The following ALDH16A1 variants were observed in gnomAD, a reference collection of about 807,000 sequenced individuals.
ALDH16A1 encodes the protein aldehyde dehydrogenase family 16 member A1.
ALDH16A1 carries 88 observed loss-of-function variants against 96.1 expected under a neutral mutation model. The ratio of observed to expected loss-of-function variants is 0.92; its 90% CI spans 0.77 to 1.09. The LOEUF is 1.09. ALDH16A1 is among the 50% of genes least tolerant of loss of function. The pLI, the probability that ALDH16A1 is intolerant of heterozygous loss-of-function variation, is 0.00. For synonymous variants in ALDH16A1, 522 were observed against 496.4 expected, an observed-to-expected ratio of 1.05 and a Z score of -0.69; for missense variants, 1,250 against 1,112.6, an observed-to-expected ratio of 1.12 and a Z score of -1.76.
chr19:49,464,896 G>C, intron 12 of ALDH16A1, 134 bp downstream of exon 12: 1 of 1,396,980 alleles, frequency 7.2e-7, no homozygotes, highest in Non-Finnish European at 9.8e-7. Context: ...ACCACGTTGT[G>C]GCCTCACACT....
chr19:49,461,817 GGTCGT>G lies in ALDH16A1; in HGVS notation c.759+19_759+23del. ...GCCCCGGAGGTACCTTCGGGACAGG[GGTCGT>G]GGCGGAACGCGGCTGGGGGCCGCAA... On this transcript the variant is annotated intron_variant, in intron 6 of 16. Transcript: ENST00000293350. 2 of 1,607,694 alleles carry G rather than the reference GGTCGT, an allele frequency of 1.2e-6. No individual in the cohort carries two copies. The highest frequency in any genetic ancestry group is 1.7e-6 in the Non-Finnish European group (2 of 1,177,360).
At chr19:49,465,694 G>T (rs991111811) in intron 12 of ALDH16A1, 44 bp from the exon 13 acceptor site, 1 of 1,580,034 alleles carries the variant, frequency 6.3e-7, no homozygotes, top group Non-Finnish European at 8.6e-7. Context: ...GGTCTGAGCA[G>T]ATTGAGGCCC....
rs768840117 is a variant in ALDH16A1, at chr19:49,460,877, G to A, written c.555G>A (p.Arg185=). 1 of 1,613,688 alleles carries A rather than the reference G, an allele frequency of 6.2e-7. No individual in the cohort carries two copies. The highest frequency in any genetic ancestry group is 8.5e-7 in the Non-Finnish European group (1 of 1,179,988). Residue 185 remains arginine (R), a synonymous_variant, in exon 5 of 17, where the codon AGG becomes AGA. Transcript: ENST00000293350. ...PTFSFLEMMW[R]ICPALAVGCT... ...TCTCCTTCCTTGAGATGATGTGGAGGATTTGCCCTGCCCTGGCTGTGGGTA... is the reference window on the plus strand; with the variant it reads ...TCTCCTTCCTTGAGATGATGTGGAGAATTTGCCCTGCCCTGGCTGTGGGTA...
At position 49,462,573 on chromosome 19, in the gene ALDH16A1, G is replaced by A; in HGVS notation, c.916G>A (p.Gly306Ser). ...CTGATGCCCCTTTTCCTCACAGGGT[G>A]GCCTCAGGCTCCTCATCCAGGAGTC... The part of the protein sequence containing the change: ...DAAWSDRGPG[G>S]LRLLIQESVW... The change falls in exon 8 of 17, where the codon GGC becomes AGC. Residue 306 changes from glycine (G) to serine (S), a missense_variant. Gly to Ser is a moderately conservative substitution (Grantham distance 56). Transcript: ENST00000293350. 1 of 1,612,628 alleles carries A rather than the reference G, an allele frequency of 6.2e-7. No individual in the cohort carries two copies. The highest frequency in any genetic ancestry group is 8.5e-7 in the Non-Finnish European group (1 of 1,179,776).
chr19:49,464,343 C>A (rs1041815131), intron 10 of ALDH16A1, 74 bp from the exon 11 acceptor site: 3 of 1,569,670 alleles, frequency 1.9e-6, no homozygotes, highest in Non-Finnish European at 2.6e-6. Context: ...TCGCTCCCCG[C>A]GCCTTTAACT....
intron 16 of ALDH16A1, chr19:49,469,565 T>TA (rs980043445): frequency 3.3e-5 from 5 of 149,288 alleles, no homozygotes; most frequent in East Asian, 2.0e-4. Flanking sequence ...ACTGTTTTTT[T>TA]TTTTATTTTA....
In ALDH16A1 at chr19:49,459,582, G is replaced by T. The variant is rs2079125539; in HGVS notation, c.321-88G>T. 1 of 1,442,596 alleles carries T rather than the reference G, an allele frequency of 6.9e-7. No homozygotes were observed. The highest frequency in any genetic ancestry group is 9.2e-7 in the Non-Finnish European group (1 of 1,081,898). The allele number at this position is 1,442,596 out of a possible 1,614,324, so 89.4% of individuals were successfully genotyped here. Reference sequence around the variant, plus strand: ...TGGGGATGCCTCAGGGGCTCATGGGGATTGTAGTCCAGGTATATAGGAGCA... The same window carrying T: ...TGGGGATGCCTCAGGGGCTCATGGGTATTGTAGTCCAGGTATATAGGAGCA... On this transcript the variant is annotated intron_variant, in intron 3 of 16. Coordinates refer to ENST00000293350, the MANE Select transcript of ALDH16A1 (RefSeq NM_153329.4). The surrounding 1 kb of genome is among the most constrained non-coding windows in gnomAD (Gnocchi z 4.1).
Position 49,461,960 on chromosome 19 carries a change from T to A in ALDH16A1, c.836T>A (p.Leu279Gln). 2 of 1,566,342 alleles carry A rather than the reference T, an allele frequency of 1.3e-6. No homozygotes were observed. The highest frequency in any genetic ancestry group is 1.7e-6 in the Non-Finnish European group (2 of 1,158,390). The stretch of plus-strand genomic sequence containing the variant: ...CTGGCGCTGGGGACGGAGTCGCTGC[T>A]GCTGCTGACGGACACGGCGGACGTA... The part of the protein sequence containing the change: ...LGLALGTESL[L>Q]LLTDTADVDS... Residue 279 changes from leucine (L) to glutamine (Q), a missense_variant, in exon 7 of 17, where the codon CTG becomes CAG. Transcript: ENST00000293350.
chr19:49,455,342 G>A (rs1309873624), intron 1 of ALDH16A1, among the ~76,000 whole-genome samples: 1 of 151,636 alleles, frequency 6.6e-6, no homozygotes, highest in African/African-American at 2.4e-5. Context: ...CTTGAACCCA[G>A]GAGGTGGAGA....
chr19:49,462,786 CAG>C (rs1340263836), intron 8 of ALDH16A1, 31 bp downstream of exon 8: 3 of 1,517,140 alleles, frequency 2.0e-6, no homozygotes, highest in African/African-American at 1.4e-5. Flanking sequence ...TTGAGGGTGT[CAG>C]GGGAGGAGGG....
chr19:49,470,304 A>G lies in ALDH16A1; in HGVS notation c.2248-2A>G, dbSNP rs1274829882. ...CTTACCCCCGTCTCTTCCTCCCCTC[A>G]GGGTTCCCAGTTTGTCGAGTGGGCC... On this transcript the variant is annotated splice_acceptor_variant, in intron 16 of 16. Coordinates refer to ENST00000293350, the MANE Select transcript of ALDH16A1 (RefSeq NM_153329.4). LOFTEE classifies it high-confidence loss of function. The G allele has an allele frequency of 3.0e-5, 49 of 1,613,156 alleles. No homozygotes were observed. The highest frequency in any genetic ancestry group is 4.2e-5 in the Non-Finnish European group (49 of 1,179,730).
intron 14 of ALDH16A1, among the ~76,000 whole-genome samples, chr19:49,466,839 GAC>G (rs1024828024): frequency 1.6e-4 from 24 of 151,604 alleles, no homozygotes; most frequent in African/African-American, 5.8e-4. Context: ...CAGCCTGAGT[GAC>G]AGAGTGAGAC....
Position 49,468,720 on chromosome 19 carries a change from C to T in ALDH16A1, c.2125-144C>T. 1 of 1,345,754 alleles carries T rather than the reference C, an allele frequency of 7.4e-7. No individual in the cohort carries two copies. The highest frequency in any genetic ancestry group is 1.0e-6 in the Non-Finnish European group (1 of 985,936). 83.4% of individuals were successfully genotyped at this position (1,345,754 alleles called of 1,614,324 possible). On this transcript the variant is annotated intron_variant, in intron 15 of 16. Transcript: ENST00000293350. This position sits in a 1 kb window ranked among gnomAD's most constrained non-coding sequence, Gnocchi z 4.4. The stretch of plus-strand genomic sequence containing the variant: ...CACCCAAACCTTCACTCCTTGGGGA[C>T]CCAGTGCCCATTCTTCACCCTAGGC...
In ALDH16A1 at chr19:49,461,627, G is replaced by A. The variant is rs771315247; in HGVS notation, c.586G>A (p.Val196Met). 1.0e-5 allele frequency: 16 copies of A among 1,590,558 alleles called. No homozygotes were observed. Among genetic ancestry groups the A allele is most frequent in the South Asian group, 4.5e-5 (4 of 88,398 alleles). The part of the protein sequence containing the change: ...ICPALAVGCT[V>M]VALVPPASPA... ...CTGCCCCACTTCCCCAGGCTGCACC[G>A]TGGTGGCCCTCGTGCCCCCGGCCTC... The change falls in exon 6 of 17, where the codon GTG becomes ATG. Residue 196 changes from valine to methionine, a missense_variant. By Grantham distance (21) the Val-to-Met change is conservative. Transcript: ENST00000293350.
intron 14 of ALDH16A1, among the ~76,000 whole-genome samples, chr19:49,467,467 T>A (rs990638744): frequency 8.6e-5 from 13 of 150,914 alleles, no homozygotes; most frequent in Non-Finnish European, 1.6e-4. Context: ...CAATCTCGGC[T>A]CACTGCAACC....
Position 49,470,373 on chromosome 19 carries a change from C to T in ALDH16A1, c.2315C>T (p.Pro772Leu), listed in dbSNP as rs1249199316. ...LKPVWASRGC[P>L]RAWDQEAEGA... is the part of the protein sequence containing the mutation. ...CCGGTGTGGGCGAGCAGGGGCTGCCCGCGGGCCTGGGACCAGGAGGCCGAG... is the reference window on the plus strand; with the variant it reads ...CCGGTGTGGGCGAGCAGGGGCTGCCTGCGGGCCTGGGACCAGGAGGCCGAG... The change falls in exon 17 of 17, where the codon CCG becomes CTG. Residue 772 changes from proline to leucine, a missense_variant. Coordinates refer to ENST00000293350, the MANE Select transcript of ALDH16A1 (RefSeq NM_153329.4). 28 of 1,612,906 alleles carry T rather than the reference C, an allele frequency of 1.7e-5. No individual in the cohort carries two copies. The highest frequency in any genetic ancestry group is 8.9e-5 in the East Asian group (4 of 44,838).
Position 49,468,072 on chromosome 19 carries a change from A to G in ALDH16A1, c.1939-309A>G, listed in dbSNP as rs2079213707. On this transcript the variant is annotated intron_variant, in intron 14 of 16. Transcript: ENST00000293350. The surrounding 1 kb of genome is among the most constrained non-coding windows in gnomAD (Gnocchi z 4.4). ...CTACTCAGGAGACTGAGGCAGGAGA[A>G]TGGCGTGAACCCGGGAGGCGGAGGT... Among the ~76,000 whole-genome samples the G allele has an allele frequency of 6.6e-6, 1 of 150,856 alleles. No homozygotes were observed. Among genetic ancestry groups the G allele is most frequent in the Non-Finnish European group, 1.5e-5 (1 of 67,840 alleles).
rs2079125859 is a variant in ALDH16A1 at position 49,459,625 on chromosome 19, G to A, written c.321-45G>A. The stretch of plus-strand genomic sequence containing the variant: ...TAGGAGCAGCCCAGGACTCTGCAAG[G>A]CTGAGGGCCGTTGGAAAATGAGCAC... On this transcript the variant is annotated intron_variant, in intron 3 of 16. Transcript: ENST00000293350. This position sits in a 1 kb window ranked among gnomAD's most constrained non-coding sequence, Gnocchi z 4.1. 1.9e-6 allele frequency: 3 copies of A among 1,566,354 alleles called. No homozygotes were observed. Among genetic ancestry groups the A allele is most frequent in the Non-Finnish European group, 2.6e-6 (3 of 1,157,230 alleles).
chr19:49,464,085 G>A (rs369745354), intron 9 of ALDH16A1, 42 bp from the exon 10 acceptor site: 3 of 1,593,262 alleles, frequency 1.9e-6, no homozygotes, highest in Non-Finnish European at 2.6e-6. Context: ...TTCCCTGGTG[G>A]GTGGGCCCTG....
Sources: gnomAD v4.1 joint callset for allele counts (sites outside exome capture counted in the v4.1 genomes callset) on GRCh38, gnomAD v4.1.1 for gene constraint, Gnocchi (gnomAD v3.1) non-coding constraint, MANE v1.5 for transcripts, NCBI Gene and HGNC (gene_info 2026-07-23, HGNC 2026-07-21) for gene names.